The following ZNF814 variants were observed in gnomAD, a reference collection of about 807,000 sequenced individuals.
The protein encoded by ZNF814 is zinc finger protein 814.
Under a neutral mutation model 7.5 loss-of-function variants are expected in ZNF814, and 5 were observed. The observed-to-expected ratio is 0.67, with a 90% CI of 0.35 to 1.40. The LOEUF is 1.40. Among genes scored for constraint, ZNF814 ranks in the 40% most tolerant of loss-of-function variants. ZNF814 has a pLI of 0.04. For synonymous variants in ZNF814, 315 were observed against 340.7 expected, an observed-to-expected ratio of 0.92 and a Z score of 0.83; for missense variants, 962 against 1,018.0, an observed-to-expected ratio of 0.94 and a Z score of 0.75.
At chr19:57,900,608 A>G in the ZNF814 span, 13 of 152,262 alleles carry the variant, frequency 8.5e-5, no homozygotes, top group South Asian at 2.3e-3. Flanking sequence ...CTAGAGGTCT[A>G]TCTCCAAATT....
rs763226886 is a variant in ZNF814 at position 57,873,966 on chromosome 19, T to A, written c.1424A>T (p.His475Leu). Residue 475 changes from histidine to leucine, a missense_variant, in exon 3 of 3, where the codon CAT becomes CTT. This residue lies in a region of ZNF814 where 665 missense variants were observed against 551.4 expected (regional missense o/e 1.21). Coordinates refer to ENST00000435989, the MANE Select transcript of ZNF814 (RefSeq NM_001144989.2). ...CTGATGGTGAACAAGGCTGCGCTTA[T>A]GACTGAAAGATTTCACACATTCTCC... Reference protein sequence around the residue: ...KCGECVKSFSHKRSLVHHQRV... With the variant: ...KCGECVKSFSLKRSLVHHQRV... 3.7e-6 allele frequency: 6 copies of A among 1,614,008 alleles called. No homozygotes were observed. The highest frequency in any genetic ancestry group is 1.6e-4 in the Middle Eastern group (1 of 6,082).
intron 2 of ZNF814, chr19:57,876,451 C>T: frequency 5.6e-6 from 1 of 178,792 alleles, no homozygotes; most frequent in Non-Finnish European, 1.2e-5. Flanking sequence ...AACAACTCAG[C>T]CCATGACAGC....
chr19:57,875,943 CTTTTTTTTTTTTTTTTTTTT>C (rs567660556), intron 2 of ZNF814, among the ~76,000 whole-genome samples: 21 of 71,438 alleles, frequency 2.9e-4, no homozygotes, highest in East Asian at 2.0e-3. Context: ...CAGGGTGCCG[CTTTTTTTTTTTTTTTTTTTT>C]TTTTTTTTTT....
intron 1 of ZNF814, 147 bp downstream of exon 1, chr19:57,888,620 C>G: frequency 1.0e-6 from 1 of 971,276 alleles, no homozygotes; most frequent in African/African-American, 1.6e-5. Flanking sequence ...CCGCATCCCA[C>G]GGGTGTCAGA....
chr19:57,903,006 C>T, the ZNF814 span, among the ~76,000 whole-genome samples: 14 of 152,002 alleles, frequency 9.2e-5, no homozygotes, highest in African/African-American at 1.9e-4. Flanking sequence ...CATAAATACC[C>T]GTTTTATCAC....
At position 57,873,535 on chromosome 19, in the gene ZNF814, G is replaced by C. The variant is rs2071575312; in HGVS notation, c.1855C>G (p.Leu619Val). 3 of 1,614,022 alleles carry C rather than the reference G, an allele frequency of 1.9e-6. No individual in the cohort carries two copies. The highest frequency in any genetic ancestry group is 2.5e-6 in the Non-Finnish European group (3 of 1,180,038). ...CGKSFSHKRSLVHHQRMHTGE... is the reference protein window; with the variant it reads ...CGKSFSHKRSVVHHQRMHTGE... ...GTGTGCATGCGCTGATGGTGAACAAGGCTGCGCTTATGACTAAAAGATTTC... is the reference window on the plus strand; with the variant it reads ...GTGTGCATGCGCTGATGGTGAACAACGCTGCGCTTATGACTAAAAGATTTC... Residue 619 changes from leucine to valine, a missense_variant, in exon 3 of 3, where the codon CTT becomes GTT. Physicochemically the swap from Leu to Val is conservative, Grantham distance 32. Around this residue, in one of 7 missense-constraint regions of ZNF814, gnomAD observed 665 missense variants for 551.4 expected, o/e 1.21. Coordinates refer to ENST00000435989, the MANE Select transcript of ZNF814 (RefSeq NM_001144989.2).
In ZNF814 at chr19:57,870,061, A is replaced by T. The variant is rs922879980; in HGVS notation, c.*2761T>A. The stretch of plus-strand genomic sequence containing the variant: ...CGAGACCATCCTAGTTAACATGGTG[A>T]AACCCCATCTCTAGTAAAGATACAA... On this transcript the variant is annotated 3_prime_UTR_variant, in exon 3 of 3. Transcript: ENST00000435989. The T allele has an allele frequency of 6.6e-6, 1 of 152,176 alleles. No individual in the cohort carries two copies. The highest frequency in any genetic ancestry group is 2.4e-5 in the African/African-American group (1 of 41,428). The allele number at this position is 152,176 out of a possible 1,614,324, so 9.4% of individuals were successfully genotyped here.
At chr19:57,885,678 T>C (rs2071685861) in intron 1 of ZNF814, among the ~76,000 whole-genome samples, 1 of 145,108 alleles carries the variant, frequency 6.9e-6, no homozygotes, top group East Asian at 2.0e-4. Flanking sequence ...AAAAAGAGAA[T>C]AAGATCTAGA....
chr19:57,876,844 G>C lies in ZNF814; in HGVS notation c.163+72C>G, dbSNP rs560671771. ...GTGTCCATGCTCCTGACATGAGAAAGTCTTACCAATGGGGAAAGATAGGGG... is the reference window on the plus strand; with the variant it reads ...GTGTCCATGCTCCTGACATGAGAAACTCTTACCAATGGGGAAAGATAGGGG... On this transcript the variant is annotated intron_variant, in intron 2 of 2. Coordinates refer to ENST00000435989, the MANE Select transcript of ZNF814 (RefSeq NM_001144989.2). 4.3e-5 allele frequency: 68 copies of C among 1,595,306 alleles called. No individual in the cohort carries two copies. The African/African-American group carries it at 7.8e-4, about 18-fold the overall frequency.
rs550901638 is a variant in ZNF814, at chr19:57,888,828, C to A, written c.-26G>T. 1.9e-6 allele frequency: 3 copies of A among 1,551,458 alleles called. No homozygotes were observed. The African/African-American group carries it at 4.1e-5, about 21-fold the overall frequency. Reference sequence around the variant, plus strand: ...CGAACCACGTGGTTTTAAGCAGAGTCGGGAGGATAGGGCGACCAGCCAGGA... The same window carrying A: ...CGAACCACGTGGTTTTAAGCAGAGTAGGGAGGATAGGGCGACCAGCCAGGA... On this transcript the variant is annotated 5_prime_UTR_variant, in exon 1 of 3. Transcript: ENST00000435989.
chr19:57,878,119 T>C (rs1191913572), intron 1 of ZNF814, among the ~76,000 whole-genome samples: 1 of 147,434 alleles, frequency 6.8e-6, no homozygotes, highest in Non-Finnish European at 1.5e-5. Flanking sequence ...TGAGCCGAGA[T>C]TGCGCCGTTG....
the ZNF814 span, chr19:57,901,781 T>C: frequency 6.8e-5 from 27 of 398,522 alleles, no homozygotes; most frequent in Non-Finnish European, 1.2e-4. Flanking sequence ...TGGTACTTAC[T>C]GTGGCGGTAA....
the ZNF814 span, among the ~76,000 whole-genome samples, chr19:57,898,459 T>G: frequency 6.6e-6 from 1 of 152,204 alleles, no homozygotes; most frequent in East Asian, 1.9e-4. Flanking sequence ...GGTATCATTT[T>G]TAGGAGCGGC....
the ZNF814 span, chr19:57,900,602 A>G: frequency 1.3e-5 from 2 of 152,150 alleles, no homozygotes; most frequent in African/African-American, 4.8e-5. Context: ...TTAACCCTAG[A>G]GGTCTATCTC....
At chr19:57,900,547 T>C in the ZNF814 span, 2 of 152,102 alleles carry the variant, frequency 1.3e-5, no homozygotes, top group Non-Finnish European at 2.9e-5. Context: ...GTAAAACACT[T>C]TTCTGCCGGT....
intron 1 of ZNF814, among the ~76,000 whole-genome samples, chr19:57,888,249 C>T (rs1263137406): frequency 6.6e-6 from 1 of 152,132 alleles, no homozygotes; most frequent in Non-Finnish European, 1.5e-5. Context: ...GCCTCTGTGC[C>T]CATGGCCAAC....
At chr19:57,894,716 C>T in the ZNF814 span, among the ~76,000 whole-genome samples, 2 of 151,880 alleles carry the variant, frequency 1.3e-5, no homozygotes, top group African/African-American at 4.8e-5. Context: ...TGCCTGTAGT[C>T]CCAGCTACTT....
upstream of ZNF814, among the ~76,000 whole-genome samples, chr19:57,893,497 C>G (rs917070763): frequency 2.6e-5 from 4 of 151,338 alleles, no homozygotes; most frequent in Admixed American, 2.0e-4. Context: ...AGTCAGTTGG[C>G]TGGGTGTGGT....
At chr19:57,893,512 C>A (rs2071743188), upstream of ZNF814, among the ~76,000 whole-genome samples, 1 of 151,734 alleles carries the variant, frequency 6.6e-6, no homozygotes, top group Admixed American at 6.6e-5. Flanking sequence ...TGTGGTGGCT[C>A]ACACCTGTAA....
Sources: gnomAD v4.1 joint callset for allele counts (sites outside exome capture counted in the v4.1 genomes callset) on GRCh38, gnomAD v4.1.1 for gene constraint, gnomAD v4.1.1 regional missense constraint, MANE v1.5 for transcripts, NCBI Gene and HGNC (gene_info 2026-07-23, HGNC 2026-07-21) for gene names.